Variants in CHFR observed in about 807,000 individuals in gnomAD.
The protein encoded by CHFR is E3 ubiquitin-protein ligase CHFR.
Under a neutral mutation model 87.6 loss-of-function variants are expected in CHFR, and 57 were observed. That is an observed-to-expected ratio of 0.65 (90% CI 0.53 to 0.81). CHFR has a LOEUF of 0.81. CHFR is among the 30% of genes least tolerant of loss of function. The probability of loss-of-function intolerance (pLI) is 0.00; values close to 1 mark genes in which losing one functional copy is unlikely to be tolerated. For missense variants in CHFR, 797 were observed against 865.8 expected (o/e 0.92, Z 1.00); for synonymous variants, 381 against 359.2 (o/e 1.06, Z -0.69).
intron 15 of CHFR, among the ~76,000 whole-genome samples, chr12:132,846,719 A>G (rs913884645): frequency 1.3e-5 from 2 of 152,126 alleles, no homozygotes; most frequent in African/African-American, 4.8e-5. Flanking sequence ...CATCTTTACT[A>G]AAAATACAAA....
intron 2 of CHFR, among the ~76,000 whole-genome samples, chr12:132,880,951 C>T (rs536892691): frequency 1.3e-5 from 2 of 151,312 alleles, no homozygotes; most frequent in Non-Finnish European, 2.9e-5. Flanking sequence ...GGCGACAGAG[C>T]GAGACTCTGG....
intron 15 of CHFR, among the ~76,000 whole-genome samples, chr12:132,845,749 C>T (rs1950808346): frequency 6.6e-6 from 1 of 151,850 alleles, no homozygotes; most frequent in Non-Finnish European, 1.5e-5. Flanking sequence ...AAGTGACTGA[C>T]ACATCAAGCA....
intron 9 of CHFR, 37 bp from the exon 10 acceptor site, chr12:132,856,667 T>C (rs1214234663): frequency 6.2e-7 from 1 of 1,605,898 alleles, no homozygotes; most frequent in Non-Finnish European, 8.5e-7. Flanking sequence ...TCACCGGCAG[T>C]GAGACATGGC....
In CHFR at chr12:132,872,329, C is replaced by G; in HGVS notation, c.299G>C (p.Gly100Ala). Reference sequence around the variant, plus strand: ...CCTGTACACCAAGTAGATGACATCCCCAGTCTGTAAAGGGCATGTCTGCTT... The same window carrying G: ...CCTGTACACCAAGTAGATGACATCCGCAGTCTGTAAAGGGCATGTCTGCTT... ...VKKQTCPLQT[G>A]DVIYLVYRKN... The change falls in exon 4 of 18, where the codon GGG becomes GCG. Residue 100 changes from glycine to alanine, a missense_variant. Coordinates refer to ENST00000450056, the MANE Select transcript of CHFR (RefSeq NM_001161346.2). The G allele has an allele frequency of 6.2e-7, 1 of 1,613,480 alleles. No homozygotes were observed. Among genetic ancestry groups the G allele is most frequent in the African/African-American group, 1.3e-5 (1 of 75,012 alleles).
chr12:132,871,665 A>G (rs4758913), intron 4 of CHFR, among the ~76,000 whole-genome samples: 146,809 of 151,896 alleles, frequency 0.97, 71,152 homozygotes, highest in East Asian at 1. Context: ...CCAGCTACTC[A>G]GGAGGCTGAG....
chr12:132,875,818 TAATGAAAAGATGAG>T (rs1213008730), intron 3 of CHFR, among the ~76,000 whole-genome samples: 8 of 152,172 alleles, frequency 5.3e-5, no homozygotes, highest in Non-Finnish European at 1.0e-4. Context: ...TATCCTAAGA[TAATGAAAAGATGAG>T]CTGGATGTAG....
intron 7 of CHFR, among the ~76,000 whole-genome samples, chr12:132,859,689 T>C (rs1248717441): frequency 6.6e-6 from 1 of 152,140 alleles, no homozygotes. Flanking sequence ...GCTCAGATGT[T>C]GGTAATCAAT....
rs981042926 is a variant in CHFR at position 132,836,916 on chromosome 12, T to C, written c.*4638A>G. The C allele has an allele frequency of 5.6e-5, 21 of 372,000 alleles. No homozygotes were observed. In the Admixed American group the frequency reaches 6.9e-4, roughly 12 times the overall value. 23.0% of individuals were successfully genotyped at this position (372,000 alleles called of 1,614,324 possible). ...ACAGTGGGCAGACAGGCAAGATCCC[T>C]GCTCTATTTTTTTGAGAGGGGGAGA... On this transcript the variant is annotated 3_prime_UTR_variant, in exon 18 of 18. Coordinates refer to ENST00000450056, the MANE Select transcript of CHFR (RefSeq NM_001161346.2).
chr12:132,874,317 C>A (rs985456509), intron 3 of CHFR, among the ~76,000 whole-genome samples: 1 of 151,996 alleles, frequency 6.6e-6, no homozygotes, highest in Admixed American at 6.6e-5. Context: ...CAGCACCCAG[C>A]GTGGGGAAGC....
intron 3 of CHFR, among the ~76,000 whole-genome samples, chr12:132,874,569 G>C (rs1317096295): frequency 2.0e-5 from 3 of 149,536 alleles, no homozygotes; most frequent in Non-Finnish European, 3.0e-5. Flanking sequence ...GACTGCCCAG[G>C]ACCAGCACCC....
chr12:132,864,482 T>G (rs1480330586), intron 6 of CHFR, among the ~76,000 whole-genome samples: 1 of 152,188 alleles, frequency 6.6e-6, no homozygotes, highest in Non-Finnish European at 1.5e-5. Context: ...GAATTTTTAT[T>G]TTTTATTATT....
At chr12:132,873,520 T>A (rs992717311) in intron 3 of CHFR, among the ~76,000 whole-genome samples, 4 of 152,164 alleles carry the variant, frequency 2.6e-5, no homozygotes, top group African/African-American at 4.8e-5. Flanking sequence ...GGACTGACTT[T>A]CTGTGTCCTC....
At position 132,848,663 on chromosome 12, in the gene CHFR, G is replaced by A. The variant is rs765611625; in HGVS notation, c.1554C>T (p.Tyr518=). 32 of 1,593,906 alleles carry A rather than the reference G, an allele frequency of 2.0e-5. No individual in the cohort carries two copies. The highest frequency in any genetic ancestry group is 2.3e-5 in the South Asian group (2 of 87,580). ...TACCACAAAACGGGGCCAGGCAGCCGTAGCAGCCGGTCCGGGTGCAGCCCC... is the reference window on the plus strand; with the variant it reads ...TACCACAAAACGGGGCCAGGCAGCCATAGCAGCCGGTCCGGGTGCAGCCCC... ...LYWGCTRTGC[Y]GCLAPFCELN... is the part of the protein sequence containing the mutation. Residue 518 remains tyrosine (Y), a synonymous_variant, in exon 13 of 18, where the codon TAC becomes TAT. Coordinates refer to ENST00000450056, the MANE Select transcript of CHFR (RefSeq NM_001161346.2).
At chr12:132,876,953 C>A (rs1261202998) in intron 3 of CHFR, among the ~76,000 whole-genome samples, 1 of 152,100 alleles carries the variant, frequency 6.6e-6, no homozygotes, top group Non-Finnish European at 1.5e-5. Flanking sequence ...TGCCACAACG[C>A]CCGGCTAATT....
rs1297794700 is a variant in CHFR, at chr12:132,835,177, G to GT, written c.*6376dup. On this transcript the variant is annotated 3_prime_UTR_variant, in exon 18 of 18. Coordinates refer to ENST00000450056, the MANE Select transcript of CHFR (RefSeq NM_001161346.2). ...CACAGGCTCAAGTGATCGGATACGG[G>GT]TATCTGTGGTGGCGGGACGGGGACA... 6.6e-6 allele frequency: 1 copy of GT among 152,216 alleles called. No individual in the cohort carries two copies. The highest frequency in any genetic ancestry group is 2.4e-5 in the African/African-American group (1 of 41,460). The allele number at this position is 152,216 out of a possible 1,614,324, so 9.4% of individuals were successfully genotyped here. A position where few individuals can be genotyped will look rare whatever the true frequency, so the allele number is the denominator to read the frequency against.
At chr12:132,873,819 A>C (rs1951553636) in intron 3 of CHFR, among the ~76,000 whole-genome samples, 1 of 152,176 alleles carries the variant, frequency 6.6e-6, no homozygotes, top group Non-Finnish European at 1.5e-5. Context: ...GCCATCACTC[A>C]TCCTCCTGTT....
At chr12:132,869,246 G>T (rs1055156235) in intron 6 of CHFR, among the ~76,000 whole-genome samples, 1 of 151,292 alleles carries the variant, frequency 6.6e-6, no homozygotes, top group Non-Finnish European at 1.5e-5. Flanking sequence ...TGGGGCCGAG[G>T]GGAAGGGGAC....
chr12:132,876,901 TCTC>T lies in CHFR; in HGVS notation c.233+651_233+653del, dbSNP rs536930794. Among the ~76,000 whole-genome samples the T allele has an allele frequency of 1.9e-3, 285 of 152,282 alleles. 1 individual carries two copies. Among genetic ancestry groups the T allele is most frequent in the African/African-American group, 6.6e-3 (275 of 41,568 alleles). On this transcript the variant is annotated intron_variant, in intron 3 of 17. Coordinates refer to ENST00000450056, the MANE Select transcript of CHFR (RefSeq NM_001161346.2). Reference sequence around the variant, plus strand: ...TCTCCGACTCCCGGGTTCAAGTGATTCTCCTGTCTCAGCCTCCCGAGTAGCTGG... The same window carrying T: ...TCTCCGACTCCCGGGTTCAAGTGATTCTGTCTCAGCCTCCCGAGTAGCTGG...
Position 132,887,350 on chromosome 12 carries a change from C to T in CHFR, c.-12-10G>A, listed in dbSNP as rs1478600894. 2.9e-6 allele frequency: 4 copies of T among 1,396,034 alleles called. No homozygotes were observed. Among genetic ancestry groups the T allele is most frequent in the Admixed American group, 3.1e-5 (1 of 32,026 alleles). 86.5% of individuals were successfully genotyped at this position (1,396,034 alleles called of 1,614,324 possible). ...CCATCGGGATTCACATCTGCGGAGACCCCGGAAACGCCCATGGAGACTCCC... is the reference window on the plus strand; with the variant it reads ...CCATCGGGATTCACATCTGCGGAGATCCCGGAAACGCCCATGGAGACTCCC... On this transcript the variant is annotated splice_polypyrimidine_tract_variant and intron_variant, in intron 1 of 17. Transcript: ENST00000450056.
Sources: gnomAD v4.1 joint callset for allele counts (sites outside exome capture counted in the v4.1 genomes callset) on GRCh38, gnomAD v4.1.1 for gene constraint, MANE v1.5 for transcripts, NCBI Gene and HGNC (gene_info 2026-07-23, HGNC 2026-07-21) for gene names.